The following DIP2B variants were observed in gnomAD, a reference collection of about 807,000 sequenced individuals.
DIP2B encodes DIP2 acetate--CoA ligase B (putative), also known as disco-interacting protein 2 homolog B.
DIP2B carries 76 observed loss-of-function variants against 198.0 expected under a neutral mutation model. The observed-to-expected ratio is 0.38, with a 90% CI of 0.32 to 0.46. The LOEUF (loss-of-function observed/expected upper bound fraction) is 0.46. Among genes scored for constraint, DIP2B ranks in the 20% least tolerant of loss-of-function variants. The probability of loss-of-function intolerance (pLI) is 0.99; values close to 1 mark genes in which losing one functional copy is unlikely to be tolerated. For missense variants in DIP2B, 1,559 were observed against 1,978.4 expected, an observed-to-expected ratio of 0.79 and a Z score of 4.02; for synonymous variants, 701 against 739.1, an observed-to-expected ratio of 0.95 and a Z score of 0.84.
intron 1 of DIP2B, among the ~76,000 whole-genome samples, chr12:50,616,832 A>C (rs1389215584): frequency 6.6e-6 from 1 of 152,148 alleles, no homozygotes; most frequent in Non-Finnish European, 1.5e-5. Flanking sequence ...ATAATAATGA[A>C]ATTTTTGTCT....
At chr12:50,736,668 G>T (rs1469445656) in intron 34 of DIP2B, among the ~76,000 whole-genome samples, 1 of 152,162 alleles carries the variant, frequency 6.6e-6, no homozygotes, top group Non-Finnish European at 1.5e-5. Flanking sequence ...GTTTTAAAGG[G>T]TTTCACTGCC....
intron 1 of DIP2B, among the ~76,000 whole-genome samples, chr12:50,541,263 T>C (rs1449221591): frequency 2.6e-5 from 4 of 152,182 alleles, no homozygotes; most frequent in African/African-American, 9.6e-5. Flanking sequence ...GTAGTGTTTC[T>C]GTGAAGTTTG....
intron 5 of DIP2B, among the ~76,000 whole-genome samples, chr12:50,672,608 A>G (rs932451489): frequency 3.3e-5 from 5 of 152,240 alleles, no homozygotes; most frequent in Non-Finnish European, 5.9e-5. Flanking sequence ...TTACTGGTTC[A>G]GTTACTCACA....
chr12:50,658,124 G>T (rs533008274), intron 3 of DIP2B, among the ~76,000 whole-genome samples: 2 of 151,082 alleles, frequency 1.3e-5, no homozygotes, highest in African/African-American at 4.9e-5. Context: ...AGAAAAACAA[G>T]AATTTCTGGG....
At chr12:50,513,873 C>A (rs374287440) in intron 1 of DIP2B, among the ~76,000 whole-genome samples, 333 of 126,970 alleles carry the variant, frequency 2.6e-3, no homozygotes, top group East Asian at 3.9e-3. Flanking sequence ...GACTCCGTCT[C>A]AAAAAAAAAA....
At chr12:50,561,814 G>A (rs973387929) in intron 1 of DIP2B, among the ~76,000 whole-genome samples, 4 of 152,092 alleles carry the variant, frequency 2.6e-5, no homozygotes, top group Non-Finnish European at 4.4e-5. Context: ...CACCCATGTT[G>A]GCCAGGGTGG....
intron 1 of DIP2B, among the ~76,000 whole-genome samples, chr12:50,506,897 G>A (rs1254044860): frequency 6.6e-6 from 1 of 152,164 alleles, no homozygotes; most frequent in Non-Finnish European, 1.5e-5. Flanking sequence ...CTGGATGCTT[G>A]CGTCAGAGGG....
intron 30 of DIP2B, among the ~76,000 whole-genome samples, chr12:50,730,375 TC>T (rs1940018672): frequency 9.1e-6 from 1 of 109,566 alleles, no homozygotes; most frequent in Non-Finnish European, 2.3e-5. Context: ...TTTCTTTCTC[TC>T]TCTCTCTTTT....
chr12:50,665,692 G>A (rs1049388544), intron 4 of DIP2B, among the ~76,000 whole-genome samples: 10 of 151,774 alleles, frequency 6.6e-5, no homozygotes, highest in Non-Finnish European at 1.2e-4. Flanking sequence ...GGCTGAGGTG[G>A]GAGAATCACT....
chr12:50,693,026 GATTT>G lies in DIP2B; in HGVS notation c.1719+15_1719+18del, dbSNP rs746383985. On this transcript the variant is annotated intron_variant, in intron 14 of 37. Coordinates refer to ENST00000301180, the MANE Select transcript of DIP2B (RefSeq NM_173602.3). ...CGGCATGTTTGCGGTAAGCTACTCA[GATTT>G]AAGGCCCTTAGTGTAAATTGTGCTT... 2 of 1,607,508 alleles carry G rather than the reference GATTT, an allele frequency of 1.2e-6. No homozygotes were observed. Among genetic ancestry groups the G allele is most frequent in the East Asian group, 4.5e-5 (2 of 44,696 alleles).
chr12:50,572,325 C>T (rs1218501838), intron 1 of DIP2B, among the ~76,000 whole-genome samples: 1 of 152,154 alleles, frequency 6.6e-6, no homozygotes, highest in Admixed American at 6.5e-5. Flanking sequence ...GTAGGAGATT[C>T]TGGCATTTCT....
chr12:50,695,666 C>A (rs1939298160), intron 15 of DIP2B, among the ~76,000 whole-genome samples, 182 bp from the exon 16 acceptor site: 1 of 152,168 alleles, frequency 6.6e-6, no homozygotes, highest in African/African-American at 2.4e-5. Flanking sequence ...TAGGTCCAGT[C>A]AGTTGTCTAA....
intron 22 of DIP2B, among the ~76,000 whole-genome samples, chr12:50,710,837 G>A (rs1350052076): frequency 3.3e-5 from 5 of 152,200 alleles, no homozygotes; most frequent in African/African-American, 1.2e-4. Flanking sequence ...ATATATTGAA[G>A]ATAGACTAGT....
At chr12:50,734,026 G>GA in intron 32 of DIP2B, 109 bp from the exon 33 acceptor site, 1 of 1,178,466 alleles carries the variant, frequency 8.5e-7, no homozygotes, top group South Asian at 1.2e-5. Context: ...GAGGAGAGGT[G>GA]AAAAGAGTGT....
intron 5 of DIP2B, among the ~76,000 whole-genome samples, chr12:50,672,170 A>T (rs1211848267): frequency 1.3e-5 from 2 of 151,930 alleles, no homozygotes; most frequent in African/African-American, 4.8e-5. Flanking sequence ...CATCTCAGTG[A>T]CCTGTCTATA....
chr12:50,662,055 G>A (rs1299023793), intron 4 of DIP2B, among the ~76,000 whole-genome samples: 2 of 152,110 alleles, frequency 1.3e-5, no homozygotes, highest in Admixed American at 6.5e-5. Context: ...TTAACTATAG[G>A]CCTCTGTATT....
chr12:50,623,423 ACACACACACACACACTCTCTCTCTCTCT>A (rs1273792238), intron 1 of DIP2B, among the ~76,000 whole-genome samples: 5 of 112,598 alleles, frequency 4.4e-5, no homozygotes, highest in South Asian at 6.0e-4. Flanking sequence ...ACACACACAC[ACACACACACACACACTCTCTCTCTCTCT>A]CTCTCTCTCT....
At chr12:50,712,620 G>GA (rs1268403581) in intron 22 of DIP2B, among the ~76,000 whole-genome samples, 1 of 147,470 alleles carries the variant, frequency 6.8e-6, no homozygotes, top group African/African-American at 2.5e-5. Flanking sequence ...ACAAACAAAC[G>GA]AAAAAGGGCT....
In DIP2B at chr12:50,747,750, C is replaced by T. The variant is rs926231455; in HGVS notation, c.*2911C>T. On this transcript the variant is annotated 3_prime_UTR_variant, in exon 38 of 38. Coordinates refer to ENST00000301180, the MANE Select transcript of DIP2B (RefSeq NM_173602.3). ...GTCTGTGGAAAAAAACTAAACAAGT[C>T]TCTGTCTCAGTTAAGAGAAATCTAT... 6.6e-6 allele frequency: 1 copy of T among 152,216 alleles called. No individual in the cohort carries two copies. The highest frequency in any genetic ancestry group is 2.4e-5 in the African/African-American group (1 of 41,450). 9.4% of individuals were successfully genotyped at this position (152,216 alleles called of 1,614,324 possible). A position where few individuals can be genotyped will look rare whatever the true frequency, so the allele number is the denominator to read the frequency against.
Sources: allele counts gnomAD v4.1 joint callset (sites outside exome capture counted in the v4.1 genomes callset), GRCh38; gene constraint gnomAD v4.1.1; transcripts MANE v1.5; gene names NCBI Gene and HGNC (gene_info 2026-07-23, HGNC 2026-07-21).